The following MCC variants were observed in gnomAD, a reference collection of about 807,000 sequenced individuals.
MCC encodes the protein MCC regulator of Wnt signaling pathway, also known as colorectal mutant cancer protein.
In MCC, 90 loss-of-function variants were observed where a neutral mutation model predicts 116.2. The ratio of observed to expected loss-of-function variants is 0.77; its 90% CI spans 0.65 to 0.92. MCC has a LOEUF of 0.92. Ranked by LOEUF, MCC falls within the 40% of genes least tolerant of loss-of-function variation. The probability of loss-of-function intolerance (pLI) is 0.00; values close to 1 mark genes in which losing one functional copy is unlikely to be tolerated. For synonymous variants in MCC, 578 were observed against 510.5 expected (o/e 1.13, Z -1.78); for missense variants, 1,516 against 1,312.2 (o/e 1.16, Z -2.40).
intron 1 of MCC, among the ~76,000 whole-genome samples, chr5:113,421,753 T>C (rs1407629959): frequency 3.3e-5 from 5 of 152,196 alleles, no homozygotes; most frequent in African/African-American, 1.2e-4. Flanking sequence ...TATCCTTGGA[T>C]CTAGCTGCTG....
chr5:113,181,641 T>C (rs958773760), intron 3 of MCC, among the ~76,000 whole-genome samples: 6 of 152,128 alleles, frequency 3.9e-5, no homozygotes, highest in African/African-American at 7.2e-5. Context: ...CAGGATGAGG[T>C]AACTAGTCCC....
At chr5:113,043,771 G>C (rs1430214971) in intron 16 of MCC, 141 bp from the exon 17 acceptor site, 7 of 612,612 alleles carry the variant, frequency 1.1e-5, no homozygotes, top group Non-Finnish European at 2.0e-5. Context: ...TCATGCCAAA[G>C]GGGAAAGCCT....
intron 1 of MCC, among the ~76,000 whole-genome samples, chr5:113,388,854 C>T (rs1769335359): frequency 6.6e-6 from 1 of 152,166 alleles, no homozygotes; most frequent in South Asian, 2.1e-4. Flanking sequence ...TGAGGCACAG[C>T]CTGGAAATCT....
chr5:113,210,645 G>A (rs589147), intron 3 of MCC, among the ~76,000 whole-genome samples: 4,596 of 152,236 alleles, frequency 0.03, 91 homozygotes, highest in East Asian at 0.083. Flanking sequence ...AACATGACAC[G>A]AATGAATATA....
intron 1 of MCC, among the ~76,000 whole-genome samples, chr5:113,403,194 G>C (rs1018639611): frequency 2.6e-5 from 4 of 152,178 alleles, no homozygotes; most frequent in Admixed American, 6.5e-5. Flanking sequence ...GTGTGGGAAG[G>C]AATGGCACAG....
At chr5:113,429,173 C>A (rs1770558438) in intron 1 of MCC, among the ~76,000 whole-genome samples, 1 of 152,042 alleles carries the variant, frequency 6.6e-6, no homozygotes, top group Admixed American at 6.5e-5. Context: ...CAATGTGACT[C>A]TATCTGAAGA....
intron 1 of MCC, among the ~76,000 whole-genome samples, chr5:113,406,820 G>A (rs907558925): frequency 2.0e-5 from 3 of 152,188 alleles, no homozygotes; most frequent in African/African-American, 7.2e-5. Flanking sequence ...AGTCCTGCAT[G>A]CAGAGAACCT....
chr5:113,086,310 G>GGTGAGAGTCGGGA (rs937742960), intron 8 of MCC, among the ~76,000 whole-genome samples: 3 of 151,920 alleles, frequency 2.0e-5, no homozygotes, highest in African/African-American at 7.3e-5. Context: ...ATGCCTGGGG[G>GGTGAGAGTCGGGA]GTTGAACAGG....
intron 5 of MCC, among the ~76,000 whole-genome samples, chr5:113,124,275 T>C (rs1047081714): frequency 6.6e-6 from 1 of 152,250 alleles, no homozygotes; most frequent in African/African-American, 2.4e-5. Context: ...AAGAAAATGA[T>C]TAAAAAGCAC....
At chr5:113,046,445 G>A (rs906517107) in intron 16 of MCC, among the ~76,000 whole-genome samples, 1 of 151,884 alleles carries the variant, frequency 6.6e-6, no homozygotes. Context: ...ACCCGCCTCG[G>A]GTTCCCAAAG....
At chr5:113,306,961 C>A (rs1767000398) in intron 3 of MCC, among the ~76,000 whole-genome samples, 1 of 152,144 alleles carries the variant, frequency 6.6e-6, no homozygotes, top group South Asian at 2.1e-4. Context: ...AACCAATTAG[C>A]CATAAATATA....
In MCC at chr5:113,298,949, T is replaced by C. The variant is rs557369841; in HGVS notation, c.627+41570A>G. 2.0e-5 allele frequency among the ~76,000 whole-genome samples: 3 copies of C among 152,238 alleles called. No individual in the cohort carries two copies. In the East Asian group the frequency reaches 5.8e-4, roughly 29 times the overall value. On this transcript the variant is annotated intron_variant, in intron 3 of 18. Coordinates refer to ENST00000408903, the MANE Select transcript of MCC (RefSeq NM_001085377.2). ...CAGTTGTGATCCCCACTCCTGAAAT[T>C]GTTCAAGTATAGGTGGGACATGCTG...
chr5:113,196,049 C>A (rs1045027557), intron 3 of MCC, among the ~76,000 whole-genome samples: 1 of 152,240 alleles, frequency 6.6e-6, no homozygotes, highest in South Asian at 2.1e-4. Flanking sequence ...GCTCAGGCAG[C>A]AGTAGACTTC....
chr5:113,051,431 A>G (rs1300223487), intron 15 of MCC, among the ~76,000 whole-genome samples: 1 of 152,260 alleles, frequency 6.6e-6, no homozygotes, highest in Non-Finnish European at 1.5e-5. Context: ...TCAAAAAGGA[A>G]GAGAAGGCCA....
At chr5:113,337,562 G>A (rs970968744) in intron 3 of MCC, among the ~76,000 whole-genome samples, 19 of 152,086 alleles carry the variant, frequency 1.2e-4, no homozygotes, top group African/African-American at 3.6e-4. Context: ...CTTCGTATGT[G>A]CTATTCCTGT....
At chr5:113,445,111 T>C (rs1771171174) in intron 1 of MCC, among the ~76,000 whole-genome samples, 1 of 152,214 alleles carries the variant, frequency 6.6e-6, no homozygotes, top group Non-Finnish European at 1.5e-5. Context: ...GGTCATGGTC[T>C]CATTTTCCAT....
At chr5:113,484,031 T>C (rs868545311) in intron 1 of MCC, among the ~76,000 whole-genome samples, 26 of 152,156 alleles carry the variant, frequency 1.7e-4, no homozygotes, top group African/African-American at 6.0e-4. Flanking sequence ...CAACACGCAC[T>C]GGGGCCTATC....
intron 16 of MCC, chr5:113,044,572 TA>T (rs760565580): frequency 4.4e-5 from 31 of 706,502 alleles, no homozygotes; most frequent in South Asian, 1.3e-4. Context: ...TGTAAACAGA[TA>T]TTTTTTTGTT....
rs142388300 is a variant in MCC at position 113,090,288 on chromosome 5, C to G, written c.1399-4978G>C. On this transcript the variant is annotated intron_variant, in intron 8 of 18. Coordinates refer to ENST00000408903, the MANE Select transcript of MCC (RefSeq NM_001085377.2). ...AACAGGGACTCCCATCTGATGGCTT[C>G]TATTTTCTCTGCTAGGCATGAGGGG... 6.7e-3 allele frequency among the ~76,000 whole-genome samples: 1,010 copies of G among 151,414 alleles called. 6 individuals carry two copies. The highest frequency in any genetic ancestry group is 0.029 in the East Asian group (150 of 5,126).
Sources: gnomAD v4.1 joint callset for allele counts (sites outside exome capture counted in the v4.1 genomes callset) on GRCh38, gnomAD v4.1.1 for gene constraint, MANE v1.5 for transcripts, NCBI Gene and HGNC (gene_info 2026-07-23, HGNC 2026-07-21) for gene names.